Variants in SLC66A1 observed in about 807,000 individuals in gnomAD.
The protein encoded by SLC66A1 is lysosomal amino acid transporter 1 homolog.
In SLC66A1, 23 loss-of-function variants were observed where a neutral mutation model predicts 33.0. The ratio of observed to expected loss-of-function variants is 0.70; its 90% CI spans 0.50 to 0.99. SLC66A1 has a LOEUF of 0.99. Among genes scored for constraint, SLC66A1 ranks in the 50% least tolerant of loss-of-function variants. The pLI, the probability that SLC66A1 is intolerant of heterozygous loss-of-function variation, is 0.00. For synonymous variants in SLC66A1, 164 were observed against 175.5 expected (o/e 0.93, Z 0.52); for missense variants, 335 against 383.6 (o/e 0.87, Z 1.06).
chr1:19,325,638 T>TGGGGGG, intron 4 of SLC66A1, 56 bp downstream of exon 4: 2 of 825,138 alleles, frequency 2.4e-6, no homozygotes, highest in East Asian at 3.0e-5. Context: ...GGGGCAGTTG[T>TGGGGGG]GGGGGGGGGC....
intron 2 of SLC66A1, among the ~76,000 whole-genome samples, chr1:19,323,839 G>A (rs542097392): frequency 1.3e-5 from 2 of 152,340 alleles, no homozygotes; most frequent in East Asian, 1.9e-4. Flanking sequence ...GGTTGAATCC[G>A]AGTGGTATGG....
intron 1 of SLC66A1, among the ~76,000 whole-genome samples, chr1:19,313,620 G>T (rs1286728917): frequency 1.3e-5 from 2 of 152,218 alleles, no homozygotes; most frequent in Non-Finnish European, 2.9e-5. Context: ...TCATGACCAG[G>T]CCCTTGAAGG....
At chr1:19,325,448 A>G (rs766250417) in intron 3 of SLC66A1, 47 bp from the exon 4 acceptor site, 3 of 1,411,186 alleles carry the variant, frequency 2.1e-6, no homozygotes, top group Admixed American at 1.7e-5. Context: ...GCGTGGTCTC[A>G]GATCCTGGGA....
chr1:19,324,602 G>A, intron 2 of SLC66A1, 31 bp from the exon 3 acceptor site: 2 of 1,613,560 alleles, frequency 1.2e-6, no homozygotes, highest in Non-Finnish European at 1.7e-6. Flanking sequence ...GGTGGCCTGA[G>A]CATGCATCCC....
At chr1:19,315,085 T>C (rs2093798164) in intron 1 of SLC66A1, among the ~76,000 whole-genome samples, 1 of 152,096 alleles carries the variant, frequency 6.6e-6, no homozygotes, top group African/African-American at 2.4e-5. Context: ...ATTTTTGTAT[T>C]TTTGATAGAG....
chr1:19,322,679 A>G (rs2152007712), intron 2 of SLC66A1, among the ~76,000 whole-genome samples: 1 of 152,224 alleles, frequency 6.6e-6, no homozygotes, highest in South Asian at 2.1e-4. Context: ...GACGGGAAAG[A>G]TGACTCCGAG....
At chr1:19,319,904 T>TAA (rs2152003165) in intron 2 of SLC66A1, among the ~76,000 whole-genome samples, 1 of 149,790 alleles carries the variant, frequency 6.7e-6, no homozygotes, top group Non-Finnish European at 1.5e-5. Context: ...TCTCCGTCTC[T>TAA]TTTCTTTTTG....
chr1:19,326,077 A>G (rs1248355161), intron 4 of SLC66A1, among the ~76,000 whole-genome samples, 168 bp from the exon 5 acceptor site: 1 of 152,228 alleles, frequency 6.6e-6, no homozygotes, highest in African/African-American at 2.4e-5. Context: ...GGAGAAGGGT[A>G]CTGTTGTTGT....
intron 2 of SLC66A1, among the ~76,000 whole-genome samples, chr1:19,320,093 G>A (rs1569758858): frequency 3.3e-5 from 5 of 151,284 alleles, no homozygotes; most frequent in Admixed American, 2.6e-4. Context: ...TAGAGCTGGG[G>A]CTTCACCATG....
At chr1:19,322,838 T>G (rs2093844781) in intron 2 of SLC66A1, among the ~76,000 whole-genome samples, 1 of 152,272 alleles carries the variant, frequency 6.6e-6, no homozygotes, top group Non-Finnish European at 1.5e-5. Flanking sequence ...GCTCTGGCAG[T>G]TTTTGGTGAC....
Position 19,325,591 on chromosome 1 carries a change from G to C in SLC66A1, c.382+9G>C. ...GACGCGCCCCTCTCTGTGTGAGTAT[G>C]GGGACCGCTCTCTGTCAGATGCTCT... On this transcript the variant is annotated intron_variant, in intron 4 of 7. Transcript: ENST00000375153. 1 of 1,570,554 alleles carries C rather than the reference G, an allele frequency of 6.4e-7. No individual in the cohort carries two copies. Among genetic ancestry groups the C allele is most frequent in the Non-Finnish European group, 8.8e-7 (1 of 1,141,616 alleles).
chr1:19,326,765 T>G (rs2093869986), intron 6 of SLC66A1, 142 bp downstream of exon 6: 3 of 891,042 alleles, frequency 3.4e-6, no homozygotes, highest in Non-Finnish European at 5.1e-6. Flanking sequence ...CTTGGGCAAG[T>G]TAATCCAATC....
chr1:19,325,640 G>GT lies in SLC66A1; in HGVS notation c.382+58_382+59insT, dbSNP rs1553263048. The stretch of plus-strand genomic sequence containing the variant: ...CTACCAGCAGCAGGGGGCAGTTGTG[G>GT]GGGGGGGCGCCTGGAGTGTGGGAGG... On this transcript the variant is annotated intron_variant, in intron 4 of 7. Transcript: ENST00000375153. 171 of 1,166,570 alleles carry GT rather than the reference G, an allele frequency of 1.5e-4. 3 individuals carry two copies. Among genetic ancestry groups the GT allele is most frequent in the East Asian group, 2.0e-4 (8 of 40,140 alleles). 72.3% of individuals were successfully genotyped at this position (1,166,570 alleles called of 1,614,324 possible).
At position 19,325,640 on chromosome 1, in the gene SLC66A1, G is replaced by GGC. The variant is rs368207253; in HGVS notation, c.382+59_382+60insCG. 8.7e-5 allele frequency: 101 copies of GGC among 1,166,860 alleles called. No homozygotes were observed. The Middle Eastern group carries it at 1.1e-3, about 12-fold the overall frequency. The allele number at this position is 1,166,860 out of a possible 1,614,324, so 72.3% of individuals were successfully genotyped here. ...CTACCAGCAGCAGGGGGCAGTTGTGGGGGGGGGCGCCTGGAGTGTGGGAGG... is the reference window on the plus strand; with the variant it reads ...CTACCAGCAGCAGGGGGCAGTTGTGGGCGGGGGGGCGCCTGGAGTGTGGGAGG... On this transcript the variant is annotated intron_variant, in intron 4 of 7. Coordinates refer to ENST00000375153, the MANE Select transcript of SLC66A1 (RefSeq NM_001040125.2).
intron 1 of SLC66A1, among the ~76,000 whole-genome samples, chr1:19,316,323 C>A (rs2093805052): frequency 6.6e-6 from 1 of 151,376 alleles, no homozygotes. Context: ...TCTCCACTTG[C>A]CTCATCTGTG....
At position 19,325,492 on chromosome 1, in the gene SLC66A1, C is replaced by G; in HGVS notation, c.295-3C>G. 2 of 1,599,500 alleles carry G rather than the reference C, an allele frequency of 1.3e-6. No individual in the cohort carries two copies. Among genetic ancestry groups the G allele is most frequent in the Non-Finnish European group, 1.7e-6 (2 of 1,167,338 alleles). On this transcript the variant is annotated splice_region_variant and splice_polypyrimidine_tract_variant and intron_variant, in intron 3 of 7. Coordinates refer to ENST00000375153, the MANE Select transcript of SLC66A1 (RefSeq NM_001040125.2). Reference sequence around the variant, plus strand: ...ACCCCTGGGCCCCCTGCATCTCTTACAGACCTACACGGCTGTGTATTATGT... The same window carrying G: ...ACCCCTGGGCCCCCTGCATCTCTTAGAGACCTACACGGCTGTGTATTATGT...
At position 19,328,654 on chromosome 1, in the gene SLC66A1, G is replaced by A. The variant is rs2093882472; in HGVS notation, c.*11G>A. ...CTCCTCCCCAGCTGACCAGAACCAG[G>A]CTGAGCGCAGGAGGACAGGCACCAC... On this transcript the variant is annotated 3_prime_UTR_variant, in exon 8 of 8. Transcript: ENST00000375153. The surrounding 1 kb of genome is among the most constrained non-coding windows in gnomAD (Gnocchi z 4.7). 1 of 1,613,068 alleles carries A rather than the reference G, an allele frequency of 6.2e-7. No individual in the cohort carries two copies. The highest frequency in any genetic ancestry group is 1.3e-5 in the African/African-American group (1 of 74,924).
chr1:19,313,502 C>T (rs1381301294), intron 1 of SLC66A1, among the ~76,000 whole-genome samples: 2 of 152,164 alleles, frequency 1.3e-5, no homozygotes, highest in Non-Finnish European at 2.9e-5. Flanking sequence ...ACGGTGGTAG[C>T]GTTCTTCAGG....
At chr1:19,333,551 TTC>T (rs1157639512), downstream of SLC66A1, among the ~76,000 whole-genome samples, 3 of 152,122 alleles carry the variant, frequency 2.0e-5, no homozygotes, top group African/African-American at 7.2e-5. This position sits in a 1 kb window ranked among gnomAD's most constrained non-coding sequence, Gnocchi z 4.2. Flanking sequence ...TCTCCACCCT[TTC>T]TGTCTGTGTG....
Sources: gnomAD v4.1 joint callset for allele counts (sites outside exome capture counted in the v4.1 genomes callset) on GRCh38, gnomAD v4.1.1 for gene constraint, Gnocchi (gnomAD v3.1) non-coding constraint, MANE v1.5 for transcripts, NCBI Gene and HGNC (gene_info 2026-07-23, HGNC 2026-07-21) for gene names.